PCDHA8: variants seen among roughly 807,000 people sequenced by gnomAD.
PCDHA8 encodes protocadherin alpha-8.
In PCDHA8, 53 loss-of-function variants were observed where a neutral mutation model predicts 61.8. The ratio of observed to expected loss-of-function variants is 0.86; its 90% CI spans 0.69 to 1.08. PCDHA8 has a LOEUF of 1.08. PCDHA8 is among the 50% of genes least tolerant of loss of function. The pLI, the probability that PCDHA8 is intolerant of heterozygous loss-of-function variation, is 0.00. For missense variants in PCDHA8, 1,293 were observed against 1,245.0 expected (o/e 1.04, Z -0.58); for synonymous variants, 618 against 556.6 (o/e 1.11, Z -1.55).
chr5:140,929,080 A>T, intron 1 of PCDHA8: 1 of 1,614,180 alleles, frequency 6.2e-7, no homozygotes, highest in Non-Finnish European at 8.5e-7. Flanking sequence ...GTATGGAAGT[A>T]AGATGGTTTC....
intron 3 of PCDHA8, among the ~76,000 whole-genome samples, chr5:140,982,795 A>G (rs1011948194): frequency 3.3e-5 from 5 of 151,516 alleles, no homozygotes; most frequent in African/African-American, 1.2e-4. Context: ...GCATGTGTGC[A>G]TGTGTGTGTG....
chr5:140,880,338 C>T (rs887426306), intron 1 of PCDHA8, among the ~76,000 whole-genome samples: 10 of 152,130 alleles, frequency 6.6e-5, no homozygotes, highest in African/African-American at 1.7e-4. Context: ...AAAAATAAGA[C>T]AGGCAGCAGG....
intron 3 of PCDHA8, 75 bp from the exon 4 acceptor site, chr5:141,009,552 C>T: frequency 6.4e-7 from 1 of 1,562,176 alleles, no homozygotes; most frequent in Non-Finnish European, 8.7e-7. Context: ...TGCAGTACTC[C>T]TGTACTCTAC....
At chr5:140,843,797 TC>T (rs2150366805) in intron 1 of PCDHA8, 82 bp downstream of exon 1, 1 of 1,359,254 alleles carries the variant, frequency 7.4e-7, no homozygotes, top group South Asian at 1.4e-5. Flanking sequence ...ATTTAGTTTT[TC>T]ACCGTATTTT....
intron 1 of PCDHA8, chr5:140,868,902 T>G (rs2050730920): frequency 1.2e-6 from 1 of 837,896 alleles, no homozygotes; most frequent in African/African-American, 1.7e-5. Context: ...AAGGTGTCGC[T>G]CTTTACTTGG....
chr5:140,863,149 G>T, intron 1 of PCDHA8: 1 of 617,002 alleles, frequency 1.6e-6, no homozygotes, highest in Non-Finnish European at 3.1e-6. Context: ...GCTGGTGAAG[G>T]ACCACTGCGA....
intron 1 of PCDHA8, chr5:140,865,066 G>A (rs1299001288): frequency 1.3e-5 from 2 of 152,140 alleles, no homozygotes; most frequent in African/African-American, 4.8e-5. Flanking sequence ...AATAACTTAA[G>A]TATAAGAACC....
At position 140,849,790 on chromosome 5, in the gene PCDHA8, C is replaced by T. The variant is rs2150450402; in HGVS notation, c.2394+6075C>T. The T allele has an allele frequency of 6.1e-5, 97 of 1,598,120 alleles. 10 individuals are homozygous for T. Among genetic ancestry groups the T allele is most frequent in the Middle Eastern group, 1.7e-4 (1 of 5,854 alleles). On this transcript the variant is annotated intron_variant, in intron 1 of 3. Transcript: ENST00000531613. The stretch of plus-strand genomic sequence containing the variant: ...GTGGTTACCGCGCGGGACGGGGGCT[C>T]GCCTTCACTGTGGGCCACGGCCAGG...
intron 1 of PCDHA8, chr5:140,861,480 T>C (rs2046942458): frequency 4.1e-6 from 2 of 490,608 alleles, no homozygotes; most frequent in African/African-American, 2.0e-5. Flanking sequence ...GAATGGCATT[T>C]TTGTGAGTTC....
At chr5:140,854,512 G>A (rs1265756710) in intron 1 of PCDHA8, 2 of 149,810 alleles carry the variant, frequency 1.3e-5, no homozygotes, top group Admixed American at 6.7e-5. Context: ...TAAACTGATG[G>A]ATTAAGTGAC....
rs2150471701 is a variant in PCDHA8, at chr5:140,850,183, C to T, written c.2394+6468C>T. On this transcript the variant is annotated intron_variant, in intron 1 of 3. Transcript: ENST00000531613. ...GTGCTGGACGAGAACGACAATGCGC[C>T]GGCGCTGCTGACACCTCGGATGAGG... The T allele has an allele frequency of 1.9e-6, 3 of 1,593,774 alleles. 1 individual carries two copies. Among genetic ancestry groups the T allele is most frequent in the Non-Finnish European group, 1.7e-6 (2 of 1,167,724 alleles).
intron 1 of PCDHA8, chr5:140,861,164 C>G (rs2046783856): frequency 6.4e-6 from 1 of 156,700 alleles, no homozygotes; most frequent in African/African-American, 2.4e-5. Flanking sequence ...CAAAAGGTCT[C>G]AGAGGAACTA....
At chr5:141,002,807 C>T (rs1297773193) in intron 3 of PCDHA8, among the ~76,000 whole-genome samples, 1 of 152,152 alleles carries the variant, frequency 6.6e-6, no homozygotes, top group Non-Finnish European at 1.5e-5. Flanking sequence ...GAAACTGAGG[C>T]TCAGAGATAT....
chr5:140,988,750 C>G (rs1282256432), intron 3 of PCDHA8, among the ~76,000 whole-genome samples: 1 of 152,074 alleles, frequency 6.6e-6, no homozygotes, highest in Non-Finnish European at 1.5e-5. Context: ...GATTGGTGGC[C>G]TGGGCAGAAT....
chr5:140,948,670 A>G (rs951520840), intron 1 of PCDHA8, among the ~76,000 whole-genome samples: 1 of 151,654 alleles, frequency 6.6e-6, no homozygotes. Context: ...TAGTGATAAC[A>G]TCTTTTTCAT....
At chr5:140,915,770 A>G (rs1215607027) in intron 1 of PCDHA8, among the ~76,000 whole-genome samples, 4 of 151,908 alleles carry the variant, frequency 2.6e-5, no homozygotes, top group African/African-American at 4.8e-5. Context: ...GTCTTGTCCA[A>G]GGCCTGCTGT....
At chr5:140,936,987 T>C (rs996790487) in intron 1 of PCDHA8, among the ~76,000 whole-genome samples, 1 of 152,170 alleles carries the variant, frequency 6.6e-6, no homozygotes, top group Non-Finnish European at 1.5e-5. Context: ...CTTGTTAACA[T>C]TGACAATATT....
intron 1 of PCDHA8, chr5:140,860,149 A>ATG (rs1239190968): frequency 6.7e-6 from 1 of 150,348 alleles, no homozygotes; most frequent in East Asian, 1.9e-4. Context: ...ATATGTATAT[A>ATG]TGTGTATATA....
intron 1 of PCDHA8, among the ~76,000 whole-genome samples, chr5:140,978,488 C>T (rs1453613410): frequency 6.6e-6 from 1 of 152,224 alleles, no homozygotes; most frequent in Non-Finnish European, 1.5e-5. Flanking sequence ...TCTGCAAAGC[C>T]AGCAGCAGAT....
Sources: gnomAD v4.1 joint callset for allele counts (sites outside exome capture counted in the v4.1 genomes callset) on GRCh38, gnomAD v4.1.1 for gene constraint, MANE v1.5 for transcripts, NCBI Gene and HGNC (gene_info 2026-07-23, HGNC 2026-07-21) for gene names.